CLUH: variants seen among roughly 807,000 people sequenced by gnomAD.
CLUH encodes clustered mitochondria protein homolog.
In CLUH, 77 loss-of-function variants were observed where a neutral mutation model predicts 139.3. The ratio of observed to expected loss-of-function variants is 0.55; its 90% CI spans 0.46 to 0.67. The LOEUF (loss-of-function observed/expected upper bound fraction) is 0.67. Ranked by LOEUF, CLUH falls within the 30% of genes least tolerant of loss-of-function variation. The pLI is 0.00. For synonymous variants in CLUH, 999 were observed against 801.6 expected, an observed-to-expected ratio of 1.25 and a Z score of -4.16; for missense variants, 1,876 against 1,875.8, an observed-to-expected ratio of 1.00 and a Z score of 0.00.
intron 22 of CLUH, 122 bp from the exon 23 acceptor site, chr17:2,692,219 G>C (rs973236498): frequency 3.3e-5 from 47 of 1,444,718 alleles, no homozygotes; most frequent in Non-Finnish European, 4.4e-5. Flanking sequence ...GGAACAGCAA[G>C]TCCAGGGCTC....
intron 9 of CLUH, among the ~76,000 whole-genome samples, chr17:2,699,201 C>T (rs2070088167): frequency 6.6e-6 from 1 of 151,998 alleles, no homozygotes; most frequent in African/African-American, 2.4e-5. Context: ...TTGACCTTTA[C>T]AAGTTGTCCA....
At position 2,698,440 on chromosome 17, in the gene CLUH, G is replaced by A; in HGVS notation, c.1417C>T (p.His473Tyr). The A allele has an allele frequency of 6.2e-7, 1 of 1,613,388 alleles. No individual in the cohort carries two copies. Among genetic ancestry groups the A allele is most frequent in the East Asian group, 2.2e-5 (1 of 44,868 alleles). The change falls in exon 10 of 26, where the codon CAC becomes TAC. Residue 473 changes from histidine (H) to tyrosine (Y), a missense_variant. By Grantham distance (83) the His-to-Tyr change is moderately conservative. Around this residue, in one of 3 missense-constraint regions of CLUH, gnomAD observed 1,454 missense variants for 1,384.4 expected, o/e 1.05. Coordinates refer to ENST00000651024, the MANE Select transcript of CLUH (RefSeq NM_001366661.1). ...ACGTCCCCCCCGAAGTCCTTGTAGT[G>A]GTCTCGGACGTCGAAGCCCAGGCTG... is the stretch of plus-strand genomic sequence containing the variant. ...FFSLGFDVRD[H>Y]YKDFGGDVAA...
intron 19 of CLUH, 126 bp downstream of exon 19, chr17:2,693,774 G>A: frequency 8.2e-7 from 1 of 1,226,494 alleles, no homozygotes; most frequent in Non-Finnish European, 1.1e-6. Flanking sequence ...AGCCAGGGGT[G>A]GCCTGGGCAG....
In CLUH at chr17:2,701,125, G is replaced by C. The variant is rs964874416; in HGVS notation, c.1025+15C>G. The C allele has an allele frequency of 1.9e-6, 3 of 1,613,750 alleles. No individual in the cohort carries two copies. Among genetic ancestry groups the C allele is most frequent in the Admixed American group, 1.7e-5 (1 of 60,028 alleles). On this transcript the variant is annotated intron_variant, in intron 7 of 25. Transcript: ENST00000651024. The stretch of plus-strand genomic sequence containing the variant: ...GTGTGCCATGAGACAAGGCGGGAGG[G>C]GACAAAGGCACTACCTTTTCTTCTG...
chr17:2,694,821 A>AAACCCCCCCCC, intron 16 of CLUH, 36 bp downstream of exon 16: 7 of 1,446,326 alleles, frequency 4.8e-6, no homozygotes, highest in Non-Finnish European at 6.4e-6. Flanking sequence ...CATCTGCCCA[A>AAACCCCCCCCC]TCCCACCCAC....
Position 2,707,946 on chromosome 17 carries a change from C to T in CLUH, c.101-3382G>A, listed in dbSNP as rs554821301. The stretch of plus-strand genomic sequence containing the variant: ...ACAACTGCACCCGTGCCCCTGGCCT[C>T]CAGGCTCCATCAAGAAGCTGGCAGG... On this transcript the variant is annotated intron_variant, in intron 1 of 25. Coordinates refer to ENST00000651024, the MANE Select transcript of CLUH (RefSeq NM_001366661.1). This position sits in a 1 kb window ranked among gnomAD's most constrained non-coding sequence, Gnocchi z 7.4. 4.1e-6 allele frequency: 4 copies of T among 985,444 alleles called. No homozygotes were observed. In the South Asian group the frequency reaches 1.4e-4, roughly 35 times the overall value. The allele number at this position is 985,444 out of a possible 1,614,324, so 61.0% of individuals were successfully genotyped here.
Position 2,707,109 on chromosome 17 carries a change from TG to T in CLUH, c.101-2546del, listed in dbSNP as rs534334378. 3.2e-6 allele frequency: 3 copies of T among 931,216 alleles called. No homozygotes were observed. In the South Asian group the frequency reaches 1.5e-4, roughly 46 times the overall value. 57.7% of individuals were successfully genotyped at this position (931,216 alleles called of 1,614,324 possible). On this transcript the variant is annotated intron_variant, in intron 1 of 25. Coordinates refer to ENST00000651024, the MANE Select transcript of CLUH (RefSeq NM_001366661.1). The surrounding 1 kb of genome is among the most constrained non-coding windows in gnomAD (Gnocchi z 7.4). ...GGAACCCCGAAGGTCTCCCCACCCC[TG>T]GATGAAGGCTGAGCGATCTCCCCCG...
At position 2,692,654 on chromosome 17, in the gene CLUH, T is replaced by C. The variant is rs1232370983; in HGVS notation, c.3355A>G (p.Thr1119Ala). The stretch of plus-strand genomic sequence containing the variant: ...GCGCGGTACAGCAGGCTCAGGGCGG[T>C]GGACAGCTGGCTGCTGGCGAAGCAG... ...LYCFASSQLSTALSLLYRARY... is the reference protein window; with the variant it reads ...LYCFASSQLSAALSLLYRARY... Residue 1119 changes from threonine to alanine, a missense_variant, in exon 21 of 26, where the codon ACC becomes GCC. Physicochemically the swap from Thr to Ala is moderately conservative, Grantham distance 58 (BLOSUM62 0). This residue lies in a region of CLUH where 1,454 missense variants were observed against 1,384.4 expected (regional missense o/e 1.05). Coordinates refer to ENST00000651024, the MANE Select transcript of CLUH (RefSeq NM_001366661.1). 2.5e-6 allele frequency: 4 copies of C among 1,612,388 alleles called. No individual in the cohort carries two copies. Among genetic ancestry groups the C allele is most frequent in the Non-Finnish European group, 2.5e-6 (3 of 1,179,322 alleles).
Position 2,691,615 on chromosome 17 carries a change from G to A in CLUH, c.3857C>T (p.Pro1286Leu), listed in dbSNP as rs1187440059. The A allele has an allele frequency of 3.7e-6, 6 of 1,612,262 alleles. No homozygotes were observed. The African/African-American group carries it at 5.3e-5, about 14-fold the overall frequency. The change falls in exon 25 of 26, where the codon CCT (proline) becomes CTT (leucine). Residue 1286 changes from proline (P) to leucine (L), a missense_variant. Physicochemically the swap from Pro to Leu is moderately conservative, Grantham distance 98. Coordinates refer to ENST00000651024, the MANE Select transcript of CLUH (RefSeq NM_001366661.1). ...AGTGGGGCGGAGGCCTCACCTGAGA[G>A]GAATGAAGAGGATGCCGTTAATGAC... ...LNVINGILFI[P>L]LSQKDLENLK... is the part of the protein sequence containing the mutation.
intron 24 of CLUH, 29 bp from the exon 25 acceptor site, chr17:2,691,711 G>A (rs761930739): frequency 3.1e-6 from 5 of 1,607,890 alleles, no homozygotes; most frequent in African/African-American, 1.3e-5. Context: ...AGCGGTGAGC[G>A]GGGCTCCCGC....
At chr17:2,690,910 C>T in intron 25 of CLUH, 133 bp from the exon 26 acceptor site, 1 of 665,000 alleles carries the variant, frequency 1.5e-6, no homozygotes, top group Middle Eastern at 4.6e-4. Context: ...ACAAGCGCTT[C>T]CCTCCTGAAG....
In CLUH at chr17:2,695,317, C is replaced by A. The variant is rs749434661; in HGVS notation, c.2545-37G>T. ...CAGAAGGGAGGTCTTGGTCAGGCCCCCGGCCTCCATCCCAGTCCCACAGCT... is the reference window on the plus strand; with the variant it reads ...CAGAAGGGAGGTCTTGGTCAGGCCCACGGCCTCCATCCCAGTCCCACAGCT... On this transcript the variant is annotated intron_variant, in intron 14 of 25. Transcript: ENST00000651024. 6.8e-6 allele frequency: 11 copies of A among 1,613,554 alleles called. No homozygotes were observed. The South Asian group carries it at 1.1e-4, about 16-fold the overall frequency.
At chr17:2,695,344 C>A (rs371018202) in intron 14 of CLUH, 30 bp downstream of exon 14, 33 of 1,613,224 alleles carry the variant, frequency 2.0e-5, no homozygotes, top group Admixed American at 1.2e-4. Context: ...CCCACAGCTC[C>A]CGTTCCGCCC....
Position 2,704,433 on chromosome 17 carries a change from C to A in CLUH, c.232G>T (p.Val78Phe). ...GPGDETTGQEVIVIQDTGFSV... is the reference protein window; with the variant it reads ...GPGDETTGQEFIVIQDTGFSV... ...AAGCCCGTGTCCTGAATGACAATGA[C>A]TTCCTGGCCGGTGGTCTCATCTCCC... The change falls in exon 2 of 26, where the codon GTC becomes TTC. Residue 78 changes from valine to phenylalanine, a missense_variant. Around this residue, in one of 3 missense-constraint regions of CLUH, gnomAD observed 152 missense variants for 136.7 expected, o/e 1.11. Transcript: ENST00000651024. This position sits in a 1 kb window ranked among gnomAD's most constrained non-coding sequence, Gnocchi z 5.7. 6.2e-7 allele frequency: 1 copy of A among 1,610,060 alleles called. No homozygotes were observed.
chr17:2,704,224 G>T lies in CLUH; in HGVS notation c.303+138C>A. On this transcript the variant is annotated intron_variant, in intron 2 of 25. Coordinates refer to ENST00000651024, the MANE Select transcript of CLUH (RefSeq NM_001366661.1). This position sits in a 1 kb window ranked among gnomAD's most constrained non-coding sequence, Gnocchi z 5.7. ...CCCACGTCCACCACGCTAGCTGAGTGACTCTAGGGAGGGCACGGGATCCTC... is the reference window on the plus strand; with the variant it reads ...CCCACGTCCACCACGCTAGCTGAGTTACTCTAGGGAGGGCACGGGATCCTC... 1.1e-6 allele frequency: 1 copy of T among 884,304 alleles called. No homozygotes were observed. The highest frequency in any genetic ancestry group is 1.7e-6 in the Non-Finnish European group (1 of 590,858). The allele number at this position is 884,304 out of a possible 1,614,324, so 54.8% of individuals were successfully genotyped here.
intron 13 of CLUH, 40 bp from the exon 14 acceptor site, chr17:2,695,566 T>C: frequency 6.5e-7 from 1 of 1,541,588 alleles, no homozygotes; most frequent in Non-Finnish European, 8.7e-7. Flanking sequence ...CCAGCTCCTC[T>C]GCCTCCACCC....
intron 4 of CLUH, 30 bp from the exon 5 acceptor site, chr17:2,701,767 A>G (rs1355020440): frequency 6.4e-7 from 1 of 1,553,658 alleles, no homozygotes; most frequent in Non-Finnish European, 8.7e-7. Flanking sequence ...TGGTCAGCAC[A>G]GGGCCACCCA....
At position 2,692,149 on chromosome 17, in the gene CLUH, T is replaced by TG; in HGVS notation, c.3561-53dup. ...GGGAAGGGCATAAGTGGGCTGGGTG[T>TG]GGGGGCCTGACTCGGGGGCCCGGGG... is the stretch of plus-strand genomic sequence containing the variant. On this transcript the variant is annotated intron_variant, in intron 22 of 25. Transcript: ENST00000651024. 3 of 1,530,762 alleles carry TG rather than the reference T, an allele frequency of 2.0e-6. No homozygotes were observed. In the African/African-American group the frequency reaches 4.1e-5, roughly 21 times the overall value. The allele number at this position is 1,530,762 out of a possible 1,614,324, so 94.8% of individuals were successfully genotyped here. A position where few individuals can be genotyped will look rare whatever the true frequency, so the allele number is the denominator to read the frequency against.
rs1260851337 is a variant in CLUH at position 2,706,428 on chromosome 17, CCCGCACCCTACG to C, written c.101-1876_101-1865del. 6.6e-6 allele frequency among the ~76,000 whole-genome samples: 1 copy of C among 152,142 alleles called. No individual in the cohort carries two copies. The highest frequency in any genetic ancestry group is 1.5e-5 in the Non-Finnish European group (1 of 68,006). On this transcript the variant is annotated intron_variant, in intron 1 of 25. Coordinates refer to ENST00000651024, the MANE Select transcript of CLUH (RefSeq NM_001366661.1). This position sits in a 1 kb window ranked among gnomAD's most constrained non-coding sequence, Gnocchi z 4.6. ...ATGGGCCCCAGACTCCCTCCTGCAG[CCCGCACCCTACG>C]CCGCGGCACTCCCTCAACTCTGGCC... is the stretch of plus-strand genomic sequence containing the variant.
Sources: allele counts gnomAD v4.1 joint callset (sites outside exome capture counted in the v4.1 genomes callset), GRCh38; gene constraint gnomAD v4.1.1; regional missense constraint gnomAD v4.1.1; non-coding constraint Gnocchi (gnomAD v3.1); transcripts MANE v1.5; gene names NCBI Gene and HGNC (gene_info 2026-07-23, HGNC 2026-07-21).